The following KSR2 variants were observed in gnomAD, a reference collection of about 807,000 sequenced individuals.
KSR2 encodes kinase suppressor of ras 2.
A neutral mutation model predicts 107.8 loss-of-function variants in KSR2; 25 were observed. That is an observed-to-expected ratio of 0.23 (90% confidence interval 0.17 to 0.32). The LOEUF (loss-of-function observed/expected upper bound fraction) is 0.32. KSR2 is among the 10% of genes least tolerant of loss of function. The pLI is 1.00. For synonymous variants in KSR2, 480 were observed against 507.0 expected (o/e 0.95, Z 0.71); for missense variants, 887 against 1,268.9 (o/e 0.70, Z 4.57).
intron 4 of KSR2, among the ~76,000 whole-genome samples, chr12:117,674,917 G>A (rs1284969699): frequency 2.6e-5 from 4 of 152,188 alleles, no homozygotes; most frequent in East Asian, 1.9e-4. Flanking sequence ...CTAGCTGTTC[G>A]GGTCATCTTT....
chr12:117,575,250 T>C (rs141839984), intron 7 of KSR2, among the ~76,000 whole-genome samples: 23 of 152,332 alleles, frequency 1.5e-4, no homozygotes, highest in African/African-American at 5.1e-4. Flanking sequence ...GCATGGTGTA[T>C]ATATAACAGG....
chr12:117,697,308 C>T (rs1296365393), intron 4 of KSR2, among the ~76,000 whole-genome samples: 2 of 152,210 alleles, frequency 1.3e-5, no homozygotes, highest in Admixed American at 6.5e-5. Flanking sequence ...GAAGCCTCCT[C>T]CACCCCCAGA....
chr12:117,552,354 G>A (rs558367287), intron 9 of KSR2, among the ~76,000 whole-genome samples: 3 of 152,258 alleles, frequency 2.0e-5, no homozygotes, highest in South Asian at 4.1e-4. Context: ...ATCCGTGGAC[G>A]CTTCCCACTA....
At chr12:117,714,612 C>T (rs978085190) in intron 4 of KSR2, among the ~76,000 whole-genome samples, 1 of 152,214 alleles carries the variant, frequency 6.6e-6, no homozygotes, top group Non-Finnish European at 1.5e-5. Context: ...CAGCTAGCAG[C>T]ACGCACTCTG....
chr12:117,532,347 C>T (rs1875706463), intron 10 of KSR2, among the ~76,000 whole-genome samples: 1 of 152,182 alleles, frequency 6.6e-6, no homozygotes, highest in African/African-American at 2.4e-5. Flanking sequence ...CTCATGGCTC[C>T]ATCACTCCAA....
intron 5 of KSR2, among the ~76,000 whole-genome samples, chr12:117,616,384 A>T (rs1476668071): frequency 6.6e-6 from 1 of 152,180 alleles, no homozygotes; most frequent in Non-Finnish European, 1.5e-5. Flanking sequence ...GTTATTTCGC[A>T]TGGCTGTTCA....
chr12:117,568,227 T>C (rs1179068667), intron 7 of KSR2, among the ~76,000 whole-genome samples: 1 of 152,164 alleles, frequency 6.6e-6, no homozygotes, highest in Non-Finnish European at 1.5e-5. Context: ...AAAGCGACTG[T>C]AGAGTCTTCT....
At chr12:117,888,517 G>A (rs1197426089) in intron 1 of KSR2, among the ~76,000 whole-genome samples, 1 of 152,140 alleles carries the variant, frequency 6.6e-6, no homozygotes, top group Non-Finnish European at 1.5e-5. Context: ...GGGGGCCTAG[G>A]GAGTGATTAG....
intron 5 of KSR2, among the ~76,000 whole-genome samples, chr12:117,661,081 T>C (rs1884413182): frequency 6.6e-6 from 1 of 152,216 alleles, no homozygotes; most frequent in Admixed American, 6.5e-5. Context: ...GCCAAGGACA[T>C]CTAGCCTGAG....
intron 14 of KSR2, among the ~76,000 whole-genome samples, chr12:117,513,984 G>T (rs545083907): frequency 4.6e-4 from 70 of 152,182 alleles, no homozygotes; most frequent in African/African-American, 1.7e-3. Context: ...TAATTACAAC[G>T]TTGTCTCCCT....
At chr12:117,887,398 G>GC (rs1894208446) in intron 1 of KSR2, among the ~76,000 whole-genome samples, 1 of 152,106 alleles carries the variant, frequency 6.6e-6, no homozygotes, top group Admixed American at 6.6e-5. Context: ...ACGGCACCTG[G>GC]CCCCTTGACT....
intron 4 of KSR2, among the ~76,000 whole-genome samples, chr12:117,706,255 G>A (rs1269274193): frequency 2.0e-5 from 3 of 151,768 alleles, no homozygotes; most frequent in Non-Finnish European, 4.4e-5. Flanking sequence ...TGTTGGCCAG[G>A]CTGGTCTTAA....
chr12:117,699,341 G>C (rs1886206301), intron 4 of KSR2, among the ~76,000 whole-genome samples: 1 of 152,180 alleles, frequency 6.6e-6, no homozygotes, highest in South Asian at 2.1e-4. Context: ...TCTCCCAGCA[G>C]CCCAATAAAG....
intron 3 of KSR2, among the ~76,000 whole-genome samples, chr12:117,771,609 T>C (rs1355286323): frequency 6.6e-6 from 1 of 152,198 alleles, no homozygotes; most frequent in Non-Finnish European, 1.5e-5. Context: ...AATGCTCTAA[T>C]TGCATCGTTT....
intron 5 of KSR2, among the ~76,000 whole-genome samples, chr12:117,657,264 C>CAAAT (rs1884224632): frequency 6.6e-6 from 1 of 151,772 alleles, no homozygotes; most frequent in Non-Finnish European, 1.5e-5. Context: ...ATCTTGTCAC[C>CAAAT]AAATAGAGCA....
intron 3 of KSR2, among the ~76,000 whole-genome samples, chr12:117,804,691 T>G (rs1411600172): frequency 2.6e-5 from 4 of 152,208 alleles, no homozygotes; most frequent in African/African-American, 9.6e-5. Context: ...AAGCGTTGTG[T>G]TTCCTGCAGT....
At chr12:117,573,361 T>C (rs1879028770) in intron 7 of KSR2, among the ~76,000 whole-genome samples, 1 of 152,072 alleles carries the variant, frequency 6.6e-6, no homozygotes, top group African/African-American at 2.4e-5. Context: ...TGTTTTTTGT[T>C]GTCGTTGTCG....
At chr12:117,577,369 G>C (rs575238706) in intron 7 of KSR2, among the ~76,000 whole-genome samples, 7 of 103,548 alleles carry the variant, frequency 6.8e-5, no homozygotes, top group East Asian at 6.4e-4. Context: ...GAGAGAGAGG[G>C]GGGGAGAGAT....
At chr12:117,848,809 G>A (rs1026590161) in intron 3 of KSR2, among the ~76,000 whole-genome samples, 28 of 149,360 alleles carry the variant, frequency 1.9e-4, no homozygotes, top group African/African-American at 6.9e-4. Context: ...TAACAACAGT[G>A]ATGGTGGTGG....
Sources: gnomAD v4.1 joint callset for allele counts (sites outside exome capture counted in the v4.1 genomes callset) on GRCh38, gnomAD v4.1.1 for gene constraint, MANE v1.5 for transcripts, NCBI Gene and HGNC (gene_info 2026-07-23, HGNC 2026-07-21) for gene names.